Variants in ST6GALNAC3 observed in about 807,000 individuals in gnomAD.
ST6GALNAC3 encodes the protein ST6 N-acetylgalactosaminide alpha-2,6-sialyltransferase 3.
Under a neutral mutation model 32.7 loss-of-function variants are expected in ST6GALNAC3, and 25 were observed. The observed-to-expected ratio is 0.76, with a 90% confidence interval of 0.56 to 1.07. The LOEUF is 1.07. Among genes scored for constraint, ST6GALNAC3 ranks in the 50% least tolerant of loss-of-function variants. ST6GALNAC3 has a pLI of 0.00. For missense variants in ST6GALNAC3, 355 were observed against 382.4 expected (o/e 0.93, Z 0.60); for synonymous variants, 129 against 133.1 (o/e 0.97, Z 0.21).
chr1:76,345,455 G>T (rs566417081), intron 2 of ST6GALNAC3, among the ~76,000 whole-genome samples: 26 of 152,002 alleles, frequency 1.7e-4, no homozygotes, highest in Non-Finnish European at 2.5e-4. Context: ...GAAGCAGTGG[G>T]TAAACAGCCT....
chr1:76,586,752 C>T (rs1479499259), intron 3 of ST6GALNAC3, among the ~76,000 whole-genome samples: 1 of 152,158 alleles, frequency 6.6e-6, no homozygotes, highest in East Asian at 1.9e-4. Flanking sequence ...TGTATCTATT[C>T]TCTGCATGCT....
chr1:76,092,007 T>C (rs762405552), intron 1 of ST6GALNAC3, among the ~76,000 whole-genome samples: 6 of 152,220 alleles, frequency 3.9e-5, no homozygotes, highest in Non-Finnish European at 8.8e-5. Flanking sequence ...GAGAATTTAA[T>C]TGCTTAAAGT....
chr1:76,147,607 C>T (rs555049234), intron 1 of ST6GALNAC3, among the ~76,000 whole-genome samples: 3 of 152,214 alleles, frequency 2.0e-5, no homozygotes, highest in African/African-American at 4.8e-5. Flanking sequence ...TTTTGTTTGT[C>T]GTCTATTTTA....
At chr1:76,540,901 G>A (rs2100284862) in intron 3 of ST6GALNAC3, among the ~76,000 whole-genome samples, 1 of 152,178 alleles carries the variant, frequency 6.6e-6, no homozygotes, top group South Asian at 2.1e-4. Flanking sequence ...ATAATGTTGG[G>A]GAAACCAATA....
At chr1:76,438,732 C>A (rs961310996) in intron 3 of ST6GALNAC3, among the ~76,000 whole-genome samples, 6 of 152,182 alleles carry the variant, frequency 3.9e-5, no homozygotes, top group Non-Finnish European at 8.8e-5. Flanking sequence ...TGAGCCAAAT[C>A]TGGTGTTTCC....
chr1:76,453,544 AT>A (rs1403734107), intron 3 of ST6GALNAC3, among the ~76,000 whole-genome samples: 1 of 152,118 alleles, frequency 6.6e-6, no homozygotes, highest in African/African-American at 2.4e-5. Context: ...CCCAAAAATC[AT>A]TTGGGAGCAG....
At chr1:76,539,253 C>A (rs1226341134) in intron 3 of ST6GALNAC3, among the ~76,000 whole-genome samples, 5 of 152,116 alleles carry the variant, frequency 3.3e-5, no homozygotes, top group Non-Finnish European at 7.4e-5. Context: ...CTGACAAAAA[C>A]AAGCAATGGG....
chr1:76,376,642 T>C (rs1651259176), intron 2 of ST6GALNAC3, among the ~76,000 whole-genome samples: 1 of 152,252 alleles, frequency 6.6e-6, no homozygotes. Context: ...TCAATTCTTA[T>C]GAAGGGCATG....
At chr1:76,349,189 C>T (rs947339041) in intron 2 of ST6GALNAC3, among the ~76,000 whole-genome samples, 1 of 152,148 alleles carries the variant, frequency 6.6e-6, no homozygotes. Context: ...GGGAAATTCT[C>T]TGCTTGTTCA....
intron 1 of ST6GALNAC3, among the ~76,000 whole-genome samples, chr1:76,242,370 A>T (rs1408562922): frequency 6.6e-6 from 1 of 151,976 alleles, no homozygotes; most frequent in African/African-American, 2.4e-5. Context: ...CTGCATGCTG[A>T]GTGCATCACG....
chr1:76,108,313 C>T (rs1414267589), intron 1 of ST6GALNAC3, among the ~76,000 whole-genome samples: 1 of 152,214 alleles, frequency 6.6e-6, no homozygotes, highest in Non-Finnish European at 1.5e-5. Context: ...TTGAAAGCTA[C>T]AGGCTCTTTT....
chr1:76,387,415 T>G (rs904254760), intron 2 of ST6GALNAC3, among the ~76,000 whole-genome samples: 1 of 152,202 alleles, frequency 6.6e-6, no homozygotes, highest in Non-Finnish European at 1.5e-5. Flanking sequence ...ATTAATTTCA[T>G]ATCTTTGTTA....
intron 2 of ST6GALNAC3, among the ~76,000 whole-genome samples, chr1:76,348,067 C>T (rs1459948989): frequency 6.6e-6 from 1 of 152,124 alleles, no homozygotes; most frequent in Non-Finnish European, 1.5e-5. Flanking sequence ...TTCGTAGAAG[C>T]CTACCAACTA....
intron 3 of ST6GALNAC3, among the ~76,000 whole-genome samples, chr1:76,417,216 T>A (rs929603312): frequency 2.6e-5 from 4 of 151,326 alleles, no homozygotes; most frequent in East Asian, 3.9e-4. Context: ...GTTTTTTTTT[T>A]CTTTCTTTCT....
chr1:76,155,284 A>G (rs562959440), intron 1 of ST6GALNAC3, among the ~76,000 whole-genome samples: 1 of 152,224 alleles, frequency 6.6e-6, no homozygotes, highest in Non-Finnish European at 1.5e-5. Flanking sequence ...CGTCTCCTCC[A>G]TGCGCCTACA....
At chr1:76,422,098 G>T (rs976428905) in intron 3 of ST6GALNAC3, among the ~76,000 whole-genome samples, 1 of 151,426 alleles carries the variant, frequency 6.6e-6, no homozygotes, top group Non-Finnish European at 1.5e-5. Flanking sequence ...CTCCTACTGG[G>T]ATATGAGTTC....
At chr1:76,132,141 A>G (rs1372363564) in intron 1 of ST6GALNAC3, among the ~76,000 whole-genome samples, 3 of 151,692 alleles carry the variant, frequency 2.0e-5, no homozygotes, top group Admixed American at 6.6e-5. Flanking sequence ...TTTCCCGTCC[A>G]CCCCCACAGG....
At chr1:76,142,997 C>A in intron 1 of ST6GALNAC3, 2 of 371,816 alleles carry the variant, frequency 5.4e-6, no homozygotes, top group Non-Finnish European at 5.3e-6. Context: ...CGGCAGAGGG[C>A]AAAGGAGGGA....
At chr1:76,590,450 G>T (rs1647029923) in intron 3 of ST6GALNAC3, among the ~76,000 whole-genome samples, 1 of 152,070 alleles carries the variant, frequency 6.6e-6, no homozygotes, top group South Asian at 2.1e-4. Context: ...CCATATATTA[G>T]AAAAGGAAAT....
Sources: allele counts gnomAD v4.1 joint callset (sites outside exome capture counted in the v4.1 genomes callset), GRCh38; gene constraint gnomAD v4.1.1; transcripts MANE v1.5; gene names NCBI Gene and HGNC (gene_info 2026-07-23, HGNC 2026-07-21).